Variants in TUBB4A observed in about 807,000 individuals in gnomAD.
TUBB4A encodes tubulin beta 4A class IVa.
In TUBB4A, 13 loss-of-function variants were observed where a neutral mutation model predicts 35.1. That is an observed-to-expected ratio of 0.37 (90% CI 0.24 to 0.59). The LOEUF is 0.59. Ranked by LOEUF, TUBB4A falls within the 20% of genes least tolerant of loss-of-function variation. The pLI is 0.71. For synonymous variants in TUBB4A, 279 were observed against 272.4 expected, an observed-to-expected ratio of 1.02 and a Z score of -0.24; for missense variants, 299 against 647.2, an observed-to-expected ratio of 0.46 and a Z score of 5.84.
chr19:6,502,153 C>A lies in TUBB4A; in HGVS notation c.57+3G>T, dbSNP rs1310461158. 6.4e-7 allele frequency: 1 copy of A among 1,569,982 alleles called. No individual in the cohort carries two copies. On this transcript the variant is annotated splice_donor_region_variant and intron_variant, in intron 1 of 3. Transcript: ENST00000264071. ...GCCTCCCCGGGCCCCGTTCCCCGAG[C>A]ACCTTGGCCCCGATCTGGTTGCCGC... is the stretch of plus-strand genomic sequence containing the variant.
Position 6,501,587 on chromosome 19 carries a change from G to T in TUBB4A, c.94C>A (p.Pro32Thr). The change falls in exon 2 of 4, where the codon CCC becomes ACC. Residue 32 changes from proline to threonine, a missense_variant. Coordinates refer to ENST00000264071, the MANE Select transcript of TUBB4A (RefSeq NM_006087.4). This position sits in a 1 kb window ranked among gnomAD's most constrained non-coding sequence, Gnocchi z 4.2. Reference protein sequence around the residue: ...EVISDEHGIDPTGTYHGDSDL... With the variant: ...EVISDEHGIDTTGTYHGDSDL... ...CTGTCCCCATGGTATGTGCCTGTGG[G>T]GTCGATGCCATGTTCGTCACTGATA... is the stretch of plus-strand genomic sequence containing the variant. 6.2e-7 allele frequency: 1 copy of T among 1,614,106 alleles called. No individual in the cohort carries two copies. The highest frequency in any genetic ancestry group is 8.5e-7 in the Non-Finnish European group (1 of 1,179,986).
In TUBB4A at chr19:6,501,168, G is replaced by T; in HGVS notation, c.277+119C>A. ...TCACAGCCCTGGATGCAGGGCTGGT[G>T]CCTGGTGCCCTGTCCACCCCATCTC... is the stretch of plus-strand genomic sequence containing the variant. On this transcript the variant is annotated intron_variant, in intron 3 of 3. Transcript: ENST00000264071. This position sits in a 1 kb window ranked among gnomAD's most constrained non-coding sequence, Gnocchi z 4.2. 1.3e-6 allele frequency: 1 copy of T among 757,898 alleles called. No individual in the cohort carries two copies. The allele number at this position is 757,898 out of a possible 1,614,324, so 46.9% of individuals were successfully genotyped here.
rs371773808 is a variant in TUBB4A at position 6,501,519 on chromosome 19, G to A, written c.162C>T (p.Ala54=). 2.1e-5 allele frequency: 34 copies of A among 1,613,628 alleles called. No homozygotes were observed. Among genetic ancestry groups the A allele is most frequent in the Non-Finnish European group, 2.5e-5 (30 of 1,179,744 alleles). ...LERINVYYNE[A]TGGNYVPRAV... ...AAGGTGCCTCCTTCGCCCTACCTGT[G>A]GCCTCGTTGTAGTACACGTTGATCC... The change falls in exon 2 of 4, where the codon GCC becomes GCT. Residue 54 remains alanine (A), a synonymous_variant. Transcript: ENST00000264071. The surrounding 1 kb of genome is among the most constrained non-coding windows in gnomAD (Gnocchi z 4.2).
rs752410450 is a variant in TUBB4A at position 6,495,533 on chromosome 19, G to A, written c.966C>T (p.Ser322=). ...GCATCTGCTCGTCCACCTCCTTCAT[G>A]GACATGCGGCCCCGGAACACGGCGG... is the stretch of plus-strand genomic sequence containing the variant. ...TVAAVFRGRM[S]MKEVDEQMLS... is the part of the protein sequence containing the mutation. Residue 322 remains serine (S), a synonymous_variant, in exon 4 of 4, where the codon TCC becomes TCT. Coordinates refer to ENST00000264071, the MANE Select transcript of TUBB4A (RefSeq NM_006087.4). The surrounding 1 kb of genome is among the most constrained non-coding windows in gnomAD (Gnocchi z 8.7). 1 of 1,614,184 alleles carries A rather than the reference G, an allele frequency of 6.2e-7. No homozygotes were observed. The highest frequency in any genetic ancestry group is 1.1e-5 in the South Asian group (1 of 91,092).
intron 3 of TUBB4A, among the ~76,000 whole-genome samples, chr19:6,497,240 G>T (rs987723509): frequency 2.0e-5 from 3 of 150,050 alleles, no homozygotes; most frequent in Admixed American, 6.7e-5. Context: ...ACAATAAAAA[G>T]ATTAATATTT....
rs767479203 is a variant in TUBB4A at position 6,495,596 on chromosome 19, C to T, written c.903G>A (p.Ala301=). 3.0e-5 allele frequency: 48 copies of T among 1,613,902 alleles called. No individual in the cohort carries two copies. The highest frequency in any genetic ancestry group is 1.8e-4 in the Admixed American group (11 of 59,998). The change falls in exon 4 of 4, where the codon GCG becomes GCA. Residue 301 remains alanine (A), a synonymous_variant. Coordinates refer to ENST00000264071, the MANE Select transcript of TUBB4A (RefSeq NM_006087.4). The surrounding 1 kb of genome is among the most constrained non-coding windows in gnomAD (Gnocchi z 8.7). The part of the protein sequence containing the change: ...QQMFDAKNMM[A]ACDPRHGRYL... The stretch of plus-strand genomic sequence containing the variant: ...AGCGGCCGTGGCGCGGGTCGCACGC[C>T]GCCATCATGTTCTTGGCATCGAACA...
chr19:6,499,916 C>T lies in TUBB4A; in HGVS notation c.277+1371G>A, dbSNP rs192056835. On this transcript the variant is annotated intron_variant, in intron 3 of 3. Coordinates refer to ENST00000264071, the MANE Select transcript of TUBB4A (RefSeq NM_006087.4). ...AAGCAATTCTCTTGCCTCAGCCTCC[C>T]GAGTAGCTGGGATTACAGGCATGTG... is the stretch of plus-strand genomic sequence containing the variant. Among the ~76,000 whole-genome samples, 47 of 152,128 alleles carry T rather than the reference C, an allele frequency of 3.1e-4. 1 individual carries two copies. In the East Asian group the frequency reaches 7.5e-3, roughly 24 times the overall value.
At chr19:6,496,916 G>A (rs1269461478) in intron 3 of TUBB4A, among the ~76,000 whole-genome samples, 6 of 140,234 alleles carry the variant, frequency 4.3e-5, no homozygotes, top group African/African-American at 1.6e-4. Context: ...CTAACACTTT[G>A]GGAGGCAGAG....
At chr19:6,496,489 G>C (rs1364785050) in intron 3 of TUBB4A, 1 of 338,170 alleles carries the variant, frequency 3.0e-6, no homozygotes, top group Non-Finnish European at 5.5e-6. Flanking sequence ...AAATTAGCCG[G>C]GAGTGGTGGC....
rs773226267 is a variant in TUBB4A, at chr19:6,495,722, G to A, written c.777C>T (p.Pro259=). The change falls in exon 4 of 4, where the codon CCC becomes CCT. Residue 259 remains proline (P), a synonymous_variant. Transcript: ENST00000264071. This position sits in a 1 kb window ranked among gnomAD's most constrained non-coding sequence, Gnocchi z 8.7. Reference sequence around the variant, plus strand: ...GCATGAAGAAGTGCAGGCGAGGAAAGGGAACCATGTTGACGGCCAGCTTGC... The same window carrying A: ...GCATGAAGAAGTGCAGGCGAGGAAAAGGAACCATGTTGACGGCCAGCTTGC... ...DLRKLAVNMV[P]FPRLHFFMPG... 2 of 1,614,106 alleles carry A rather than the reference G, an allele frequency of 1.2e-6. No individual in the cohort carries two copies. The highest frequency in any genetic ancestry group is 1.7e-6 in the Non-Finnish European group (2 of 1,179,978).
Position 6,495,194 on chromosome 19 carries a change from G to T in TUBB4A, c.1305C>A (p.Phe435Leu). Residue 435 changes from phenylalanine to leucine, a missense_variant, in exon 4 of 4, where the codon TTC (phenylalanine) becomes TTA (leucine). By Grantham distance (22) the Phe-to-Leu change is conservative. This residue lies in a region of TUBB4A where 125 missense variants were observed against 279.1 expected (regional missense o/e 0.45). Transcript: ENST00000264071. The surrounding 1 kb of genome is among the most constrained non-coding windows in gnomAD (Gnocchi z 8.7). ...YQDATAEEGE[F>L]EEEAEEEVA is the part of the protein sequence containing the mutation. ...CCACCTCCTCCTCCGCCTCCTCCTC[G>T]AACTCGCCCTCCTCGGCCGTGGCGT... 6.2e-7 allele frequency: 1 copy of T among 1,613,888 alleles called. No homozygotes were observed. Among genetic ancestry groups the T allele is most frequent in the Non-Finnish European group, 8.5e-7 (1 of 1,179,868 alleles).
Position 6,501,684 on chromosome 19 carries a change from T to C in TUBB4A, c.58-61A>G. On this transcript the variant is annotated intron_variant, in intron 1 of 3. Transcript: ENST00000264071. This position sits in a 1 kb window ranked among gnomAD's most constrained non-coding sequence, Gnocchi z 4.2. ...GGAAGCCGGTGGCCAAGCCGAGGAC[T>C]GCCCCCAGCCCCCAACTAGCTCCCT... 1 of 1,448,202 alleles carries C rather than the reference T, an allele frequency of 6.9e-7. No homozygotes were observed. The highest frequency in any genetic ancestry group is 2.3e-5 in the East Asian group (1 of 43,898). The allele number at this position is 1,448,202 out of a possible 1,614,324, so 89.7% of individuals were successfully genotyped here.
chr19:6,495,121 G>A lies in TUBB4A; in HGVS notation c.*43C>T. The A allele has an allele frequency of 2.5e-6, 4 of 1,605,710 alleles. No individual in the cohort carries two copies. The highest frequency in any genetic ancestry group is 3.4e-6 in the Non-Finnish European group (4 of 1,174,856). ...AGATGGGGGGCCTAGCGGATCAAAG[G>A]TCAGAAGCCTCGAGGGGACAGGTGG... On this transcript the variant is annotated 3_prime_UTR_variant, in exon 4 of 4. Transcript: ENST00000264071. The surrounding 1 kb of genome is among the most constrained non-coding windows in gnomAD (Gnocchi z 8.7).
chr19:6,496,646 A>ATAATAATAC (rs1376954158), intron 3 of TUBB4A, among the ~76,000 whole-genome samples: 1 of 148,032 alleles, frequency 6.8e-6, no homozygotes, highest in Non-Finnish European at 1.5e-5. Context: ...AATAATAATA[A>ATAATAATAC]TAATAATAAT....
At position 6,501,456 on chromosome 19, in the gene TUBB4A, A is replaced by T; in HGVS notation, c.166+59T>A. 6.2e-7 allele frequency: 1 copy of T among 1,602,056 alleles called. No individual in the cohort carries two copies. Among genetic ancestry groups the T allele is most frequent in the Non-Finnish European group, 8.5e-7 (1 of 1,170,788 alleles). ...GTGCCAGGAACCACAGGCGCCCGGT[A>T]GCATCCTGTTCCCTCCCAGCTGCCC... On this transcript the variant is annotated intron_variant, in intron 2 of 3. Transcript: ENST00000264071. This position sits in a 1 kb window ranked among gnomAD's most constrained non-coding sequence, Gnocchi z 4.2.
At position 6,501,095 on chromosome 19, in the gene TUBB4A, T is replaced by A. The variant is rs578083038; in HGVS notation, c.277+192A>T. On this transcript the variant is annotated intron_variant, in intron 3 of 3. Transcript: ENST00000264071. The surrounding 1 kb of genome is among the most constrained non-coding windows in gnomAD (Gnocchi z 4.2). ...AGGAAGACTTCCCTGAATCCTTCTCTGTATCCGCCCTCCTCAGGGCTCTCA... is the reference window on the plus strand; with the variant it reads ...AGGAAGACTTCCCTGAATCCTTCTCAGTATCCGCCCTCCTCAGGGCTCTCA... 4 of 555,050 alleles carry A rather than the reference T, an allele frequency of 7.2e-6. No individual in the cohort carries two copies. The highest frequency in any genetic ancestry group is 5.6e-5 in the African/African-American group (3 of 53,138). The allele number at this position is 555,050 out of a possible 1,614,324, so 34.4% of individuals were successfully genotyped here.
At position 6,501,438 on chromosome 19, in the gene TUBB4A, G is replaced by A; in HGVS notation, c.167-41C>T. On this transcript the variant is annotated intron_variant, in intron 2 of 3. Coordinates refer to ENST00000264071, the MANE Select transcript of TUBB4A (RefSeq NM_006087.4). The surrounding 1 kb of genome is among the most constrained non-coding windows in gnomAD (Gnocchi z 4.2). Reference sequence around the variant, plus strand: ...TGGAGGGCAGTTCGATGCGTGCCAGGAACCACAGGCGCCCGGTAGCATCCT... The same window carrying A: ...TGGAGGGCAGTTCGATGCGTGCCAGAAACCACAGGCGCCCGGTAGCATCCT... 1.2e-6 allele frequency: 2 copies of A among 1,604,884 alleles called. No homozygotes were observed. Among genetic ancestry groups the A allele is most frequent in the South Asian group, 1.1e-5 (1 of 90,606 alleles).
Position 6,501,175 on chromosome 19 carries a change from G to A in TUBB4A, c.277+112C>T. Reference sequence around the variant, plus strand: ...CCTGGATGCAGGGCTGGTGCCTGGTGCCCTGTCCACCCCATCTCTGGTCTG... The same window carrying A: ...CCTGGATGCAGGGCTGGTGCCTGGTACCCTGTCCACCCCATCTCTGGTCTG... On this transcript the variant is annotated intron_variant, in intron 3 of 3. Transcript: ENST00000264071. This position sits in a 1 kb window ranked among gnomAD's most constrained non-coding sequence, Gnocchi z 4.2. 1.2e-6 allele frequency: 1 copy of A among 824,078 alleles called. No homozygotes were observed. Among genetic ancestry groups the A allele is most frequent in the Non-Finnish European group, 1.9e-6 (1 of 522,254 alleles). 51.0% of individuals were successfully genotyped at this position (824,078 alleles called of 1,614,324 possible).
chr19:6,501,810 C>G lies in TUBB4A; in HGVS notation c.58-187G>C. ...AAGGAGCGGTGGGGGCGGGGTGCAG[C>G]CGAGTCAGCACCCAGCGGGGCCGGC... On this transcript the variant is annotated intron_variant, in intron 1 of 3. Coordinates refer to ENST00000264071, the MANE Select transcript of TUBB4A (RefSeq NM_006087.4). This position sits in a 1 kb window ranked among gnomAD's most constrained non-coding sequence, Gnocchi z 4.2. The G allele has an allele frequency of 8.2e-6, 5 of 608,788 alleles. No homozygotes were observed. The highest frequency in any genetic ancestry group is 1.4e-5 in the Non-Finnish European group (5 of 346,896). 37.7% of individuals were successfully genotyped at this position (608,788 alleles called of 1,614,324 possible).
Sources: allele counts gnomAD v4.1 joint callset (sites outside exome capture counted in the v4.1 genomes callset), GRCh38; gene constraint gnomAD v4.1.1; regional missense constraint gnomAD v4.1.1; non-coding constraint Gnocchi (gnomAD v3.1); transcripts MANE v1.5; gene names NCBI Gene and HGNC (gene_info 2026-07-23, HGNC 2026-07-21).